Variants in ANTXR2 observed in about 807,000 individuals in gnomAD.
ANTXR2 encodes ANTXR cell adhesion molecule 2.
A neutral mutation model predicts 73.7 loss-of-function variants in ANTXR2; 44 were observed. The ratio of observed to expected loss-of-function variants is 0.60; its 90% CI spans 0.47 to 0.77. The LOEUF (loss-of-function observed/expected upper bound fraction) is 0.77. Among genes scored for constraint, ANTXR2 ranks in the 30% least tolerant of loss-of-function variants. ANTXR2 has a pLI of 0.00. For synonymous variants in ANTXR2, 217 were observed against 205.9 expected (o/e 1.05, Z -0.46); for missense variants, 604 against 592.5 (o/e 1.02, Z -0.20).
At position 79,901,872 on chromosome 4, in the gene ANTXR2, A is replaced by T. The variant is rs1010378528; in HGVS notation, c.*5557T>A. ...CCTTGAGAATCTAATGCTGCTGCTG[A>T]TCTCACAGGAGACACAGCTCAGGTG... On this transcript the variant is annotated 3_prime_UTR_variant, in exon 17 of 17. Transcript: ENST00000403729. The T allele has an allele frequency of 1.3e-5, 2 of 152,042 alleles. No homozygotes were observed. The highest frequency in any genetic ancestry group is 2.9e-5 in the Non-Finnish European group (2 of 68,048). 9.4% of individuals were successfully genotyped at this position (152,042 alleles called of 1,614,324 possible).
intron 16 of ANTXR2, among the ~76,000 whole-genome samples, chr4:79,908,502 TA>T (rs1179570955): frequency 3.9e-5 from 6 of 152,276 alleles, no homozygotes; most frequent in African/African-American, 1.2e-4. Flanking sequence ...GACTGCTCAA[TA>T]AATTTGAAAA....
chr4:80,003,890 C>T (rs920311519), intron 12 of ANTXR2, among the ~76,000 whole-genome samples: 3 of 152,184 alleles, frequency 2.0e-5, no homozygotes, highest in Middle Eastern at 3.4e-3. Context: ...TACTTTATAA[C>T]TCAGGAGTCA....
At chr4:80,048,771 T>G (rs138413159) in intron 7 of ANTXR2, among the ~76,000 whole-genome samples, 2 of 151,810 alleles carry the variant, frequency 1.3e-5, no homozygotes, top group East Asian at 3.9e-4. Flanking sequence ...ACACTTTTCT[T>G]CTTAGATATT....
At position 79,983,891 on chromosome 4, in the gene ANTXR2, AT is replaced by A; in HGVS notation, c.1165del (p.Ile389LeufsTer20). Reference sequence around the variant, plus strand: ...TAAGATACCAACCTCCATTCTTTTAATTCCTCCAACCCCTCGACCACCATAA... The same window carrying A: ...TAAGATACCAACCTCCATTCTTTTAATCCTCCAACCCCTCGACCACCATAA... ...SYYGGRGVGGIKRMEVRWGDK... is the reference protein window; with the variant it reads ...SYYGGRGVGGXKRMEVRWGDK... On this transcript the variant is annotated frameshift_variant, in exon 14 of 17. Coordinates refer to ENST00000403729, the MANE Select transcript of ANTXR2 (RefSeq NM_058172.6). LOFTEE classifies it high-confidence loss of function. 1 of 1,611,968 alleles carries A rather than the reference AT, an allele frequency of 6.2e-7. No homozygotes were observed. Among genetic ancestry groups the A allele is most frequent in the South Asian group, 1.1e-5 (1 of 90,818 alleles).
In ANTXR2 at chr4:80,031,700, A is replaced by T; in HGVS notation, c.797-8T>A. 6.9e-7 allele frequency: 1 copy of T among 1,452,848 alleles called. No homozygotes were observed. Among genetic ancestry groups the T allele is most frequent in the Non-Finnish European group, 9.1e-7 (1 of 1,102,606 alleles). 90.0% of individuals were successfully genotyped at this position (1,452,848 alleles called of 1,614,324 possible). ...CACTTACTGGTTTTACACCTAGAAA[A>T]TAAAATGCCACTGAATTAGTAAAGG... On this transcript the variant is annotated splice_region_variant and splice_polypyrimidine_tract_variant and intron_variant, in intron 9 of 16. Transcript: ENST00000403729.
chr4:79,997,511 A>G (rs1446537926), intron 12 of ANTXR2, among the ~76,000 whole-genome samples: 1 of 152,068 alleles, frequency 6.6e-6, no homozygotes, highest in East Asian at 1.9e-4. Flanking sequence ...TTGACATACA[A>G]AAACACAAAG....
chr4:79,946,690 A>G (rs1274513872), intron 16 of ANTXR2, among the ~76,000 whole-genome samples: 2 of 152,154 alleles, frequency 1.3e-5, no homozygotes, highest in Non-Finnish European at 2.9e-5. Context: ...CTACAGTTAT[A>G]TTGTATCAAT....
intron 3 of ANTXR2, among the ~76,000 whole-genome samples, chr4:80,063,254 A>G (rs1016077968): frequency 2.0e-4 from 30 of 152,274 alleles, no homozygotes; most frequent in African/African-American, 7.2e-4. Flanking sequence ...GTTAGAAGTC[A>G]CACAGCTAGT....
Position 79,981,077 on chromosome 4 carries a change from G to A in ANTXR2, c.1179+2801C>T, listed in dbSNP as rs554982022. 7.9e-5 allele frequency among the ~76,000 whole-genome samples: 12 copies of A among 151,870 alleles called. No individual in the cohort carries two copies. In the East Asian group the frequency reaches 2.3e-3, roughly 29 times the overall value. ...AGCTCAGGGGTTCAAGACCAGCCAG[G>A]GCAACATAATGAGAACTCCCCATCA... On this transcript the variant is annotated intron_variant, in intron 14 of 16. Transcript: ENST00000403729.
rs749268701 is a variant in ANTXR2 at position 80,054,326 on chromosome 4, C to T, written c.582G>A (p.Glu194=). The change falls in exon 7 of 17, where the codon GAG becomes GAA. Residue 194 remains glutamate, a synonymous_variant. Transcript: ENST00000403729. ...AQLERIADSK[E]QVFPVKGGFQ... is the part of the protein sequence containing the mutation. ...ATCCACCTTTGACAGGGAAAACTTG[C>T]TCCTTGGAATCAGCAATTCTTTCAA... 2.5e-6 allele frequency: 4 copies of T among 1,592,290 alleles called. No individual in the cohort carries two copies. Among genetic ancestry groups the T allele is most frequent in the Non-Finnish European group, 3.4e-6 (4 of 1,170,058 alleles).
At chr4:80,046,266 C>A (rs1320282970) in intron 7 of ANTXR2, among the ~76,000 whole-genome samples, 1 of 151,684 alleles carries the variant, frequency 6.6e-6, no homozygotes, top group Non-Finnish European at 1.5e-5. Flanking sequence ...TAAAATAAAT[C>A]ATATTAGCAG....
In ANTXR2 at chr4:79,977,989, C is replaced by T. The variant is rs779730745; in HGVS notation, c.1347+18G>A. The T allele has an allele frequency of 6.4e-7, 1 of 1,559,160 alleles. No individual in the cohort carries two copies. On this transcript the variant is annotated intron_variant, in intron 15 of 16. Coordinates refer to ENST00000403729, the MANE Select transcript of ANTXR2 (RefSeq NM_058172.6). ...TCCAGAAGTTTTGAGTTAAATTACACAAAATCTGGACACATACCTTAATTG... is the reference window on the plus strand; with the variant it reads ...TCCAGAAGTTTTGAGTTAAATTACATAAAATCTGGACACATACCTTAATTG...
At position 79,966,970 on chromosome 4, in the gene ANTXR2, G is replaced by T. The variant is rs1178924241; in HGVS notation, c.1428+10651C>A. Reference sequence around the variant, plus strand: ...GTCTACAGCTCCCAGCGTGAGCGACGCAGAAGACGGTGATTTCTGCATTTC... The same window carrying T: ...GTCTACAGCTCCCAGCGTGAGCGACTCAGAAGACGGTGATTTCTGCATTTC... On this transcript the variant is annotated intron_variant, in intron 16 of 16. Coordinates refer to ENST00000403729, the MANE Select transcript of ANTXR2 (RefSeq NM_058172.6). Among the ~76,000 whole-genome samples, 2 of 25,668 alleles carry T rather than the reference G, an allele frequency of 7.8e-5. 1 individual carries two copies. The highest frequency in any genetic ancestry group is 3.7e-4 in the Non-Finnish European group (2 of 5,436). The allele number at this position is 25,668 out of a possible 152,430, so 16.8% of individuals were successfully genotyped here. A position where few individuals can be genotyped will look rare whatever the true frequency, so the allele number is the denominator to read the frequency against.
At chr4:79,923,128 T>A (rs7680814) in intron 16 of ANTXR2, among the ~76,000 whole-genome samples, 87,039 of 151,714 alleles carry the variant, frequency 0.57, 25,281 homozygotes, top group Non-Finnish European at 0.6. Context: ...CTACTGGGCT[T>A]GAAATATTAA....
At chr4:80,009,182 T>C (rs1731448847) in intron 11 of ANTXR2, among the ~76,000 whole-genome samples, 1 of 152,120 alleles carries the variant, frequency 6.6e-6, no homozygotes, top group South Asian at 2.1e-4. Context: ...AGCTGAAATA[T>C]GACCTACACA....
intron 3 of ANTXR2, among the ~76,000 whole-genome samples, chr4:80,067,153 C>T (rs983991394): frequency 4.6e-5 from 7 of 151,598 alleles, no homozygotes; most frequent in African/African-American, 1.7e-4. Context: ...TTGCAGTGAG[C>T]CAAGATCATG....
intron 6 of ANTXR2, among the ~76,000 whole-genome samples, chr4:80,054,626 C>G (rs1319652326): frequency 6.6e-6 from 1 of 151,610 alleles, no homozygotes; most frequent in Non-Finnish European, 1.5e-5. Flanking sequence ...CAGCTATCAA[C>G]AGCGTGACTC....
intron 8 of ANTXR2, among the ~76,000 whole-genome samples, chr4:80,035,101 A>T (rs1239542158): frequency 1.3e-5 from 2 of 152,138 alleles, no homozygotes; most frequent in African/African-American, 4.8e-5. Context: ...AACCCAGTAT[A>T]CCCTCAGCAC....
At chr4:80,039,680 C>T (rs1733143246) in intron 7 of ANTXR2, among the ~76,000 whole-genome samples, 1 of 152,058 alleles carries the variant, frequency 6.6e-6, no homozygotes, top group South Asian at 2.1e-4. Context: ...TTATACACTG[C>T]TAGTGGTAAT....
Sources: gnomAD v4.1 joint callset for allele counts (sites outside exome capture counted in the v4.1 genomes callset) on GRCh38, gnomAD v4.1.1 for gene constraint, MANE v1.5 for transcripts, NCBI Gene and HGNC (gene_info 2026-07-23, HGNC 2026-07-21) for gene names.